Variants in DUSP8 observed in about 807,000 individuals in gnomAD.
DUSP8 encodes dual specificity phosphatase 8, also known as dual specificity protein phosphatase 8.
DUSP8 carries 15 observed loss-of-function variants against 38.7 expected under a neutral mutation model. The ratio of observed to expected loss-of-function variants is 0.39; its 90% CI spans 0.26 to 0.60. The LOEUF (loss-of-function observed/expected upper bound fraction) is 0.60. Ranked by LOEUF, DUSP8 falls within the 20% of genes least tolerant of loss-of-function variation. The pLI is 0.56. For synonymous variants in DUSP8, 458 were observed against 433.9 expected, an observed-to-expected ratio of 1.06 and a Z score of -0.69; for missense variants, 768 against 915.0, an observed-to-expected ratio of 0.84 and a Z score of 2.07.
At position 1,557,464 on chromosome 11, in the gene DUSP8, C is replaced by A. The variant is rs773039099; in HGVS notation, c.932G>T (p.Gly311Val). 1 of 1,561,998 alleles carries A rather than the reference C, an allele frequency of 6.4e-7. No individual in the cohort carries two copies. The highest frequency in any genetic ancestry group is 1.9e-5 in the Admixed American group (1 of 52,962). Residue 311 changes from glycine to valine, a missense_variant, in exon 7 of 7, where the codon GGC becomes GTC. By Grantham distance (109) the Gly-to-Val change is moderately radical (BLOSUM62 -3). Coordinates refer to ENST00000397374, the MANE Select transcript of DUSP8 (RefSeq NM_004420.3). The surrounding 1 kb of genome is among the most constrained non-coding windows in gnomAD (Gnocchi z 9.9). ...KLLAALQGDPGTPSGTPEPPP... is the reference protein window; with the variant it reads ...KLLAALQGDPVTPSGTPEPPP... The stretch of plus-strand genomic sequence containing the variant: ...AGGCTCCGGCGTCCCTGAGGGGGTG[C>A]CCGGGTCGCCCTGCAGGGCGGCCAG...
At position 1,565,933 on chromosome 11, in the gene DUSP8, A is replaced by T; in HGVS notation, c.-107T>A. 3 of 928,746 alleles carry T rather than the reference A, an allele frequency of 3.2e-6. No homozygotes were observed. The highest frequency in any genetic ancestry group is 5.1e-6 in the Non-Finnish European group (3 of 592,484). 57.5% of individuals were successfully genotyped at this position (928,746 alleles called of 1,614,324 possible). On this transcript the variant is annotated splice_region_variant and 5_prime_UTR_variant, in exon 2 of 7. Transcript: ENST00000397374. Reference sequence around the variant, plus strand: ...GGAGTGACCTAGCACATGGTGCTGGACCTGCAGGGACAGGGGGATGGTCAG... The same window carrying T: ...GGAGTGACCTAGCACATGGTGCTGGTCCTGCAGGGACAGGGGGATGGTCAG...
At chr11:1,569,683 C>G (rs922242412) in intron 1 of DUSP8, among the ~76,000 whole-genome samples, 1 of 152,106 alleles carries the variant, frequency 6.6e-6, no homozygotes, top group Admixed American at 6.5e-5. Flanking sequence ...CAGGCCACCC[C>G]CAGCTCTCAA....
At position 1,557,435 on chromosome 11, in the gene DUSP8, G is replaced by T. The variant is rs1175505275; in HGVS notation, c.961C>A (p.Pro321Thr). ...AGCGGGGCCCCGGCGGCAGGACTGG[G>T]CGGAGGCTCCGGCGTCCCTGAGGGG... ...GTPSGTPEPP[P>T]SPAAGAPLPR... The change falls in exon 7 of 7, where the codon CCC becomes ACC. Residue 321 changes from proline to threonine, a missense_variant. Physicochemically the swap from Pro to Thr is conservative, Grantham distance 38 (BLOSUM62 -1). Transcript: ENST00000397374. This position sits in a 1 kb window ranked among gnomAD's most constrained non-coding sequence, Gnocchi z 9.9. 1.3e-6 allele frequency: 2 copies of T among 1,566,196 alleles called. No individual in the cohort carries two copies. Among genetic ancestry groups the T allele is most frequent in the Admixed American group, 1.8e-5 (1 of 54,088 alleles).
chr11:1,566,457 G>A (rs992390442), intron 1 of DUSP8, among the ~76,000 whole-genome samples: 4 of 152,128 alleles, frequency 2.6e-5, no homozygotes, highest in Non-Finnish European at 4.4e-5. Context: ...TCCGTAAGCC[G>A]ATAATCCAGC....
chr11:1,569,437 A>G (rs902223), intron 1 of DUSP8, among the ~76,000 whole-genome samples: 94,126 of 151,364 alleles, frequency 0.62, 29,737 homozygotes, highest in Non-Finnish European at 0.66. Context: ...CTCCTTACCC[A>G]CAATCCACCT....
rs764933813 is a variant in DUSP8 at position 1,557,846 on chromosome 11, CGATGGT to C, written c.763_768del (p.Thr255_Ile256del). On this transcript the variant is annotated inframe_deletion, in exon 6 of 7. Coordinates refer to ENST00000397374, the MANE Select transcript of DUSP8 (RefSeq NM_004420.3). The surrounding 1 kb of genome is among the most constrained non-coding windows in gnomAD (Gnocchi z 9.9). ...ATGGTCTTCATGATGTAGGCGATGGCGATGGTGGCAGAGCGGGAGATGCCAGCCAGA... is the reference window on the plus strand; with the variant it reads ...ATGGTCTTCATGATGTAGGCGATGGCGGCAGAGCGGGAGATGCCAGCCAGA... 1 of 1,613,870 alleles carries C rather than the reference CGATGGT, an allele frequency of 6.2e-7. No homozygotes were observed. The highest frequency in any genetic ancestry group is 8.5e-7 in the Non-Finnish European group (1 of 1,180,010).
rs1848629385 is a variant in DUSP8 at position 1,556,662 on chromosome 11, G to A, written c.1734C>T (p.Ala578=). 1.4e-6 allele frequency: 2 copies of A among 1,387,884 alleles called. No homozygotes were observed. The highest frequency in any genetic ancestry group is 3.0e-5 in the African/African-American group (2 of 67,344). 86.0% of individuals were successfully genotyped at this position (1,387,884 alleles called of 1,614,324 possible). Residue 578 remains alanine (A), a synonymous_variant, in exon 7 of 7, where the codon GCC becomes GCT. Coordinates refer to ENST00000397374, the MANE Select transcript of DUSP8 (RefSeq NM_004420.3). This position sits in a 1 kb window ranked among gnomAD's most constrained non-coding sequence, Gnocchi z 5.2. ...DARTGWPEEP[A]PETQFKRRSC... ...TGCGGCGCTTGAACTGCGTCTCCGG[G>A]GCCGGCTCCTCGGGCCAGCCGGTCC...
In DUSP8 at chr11:1,556,094, G is replaced by A. The variant is rs564994445; in HGVS notation, c.*424C>T. ...AGGGAGCAGGGGAGGTGGGTGGGGG[G>A]AGAAGGGGGGTTCTGCGGCTCAGTT... On this transcript the variant is annotated 3_prime_UTR_variant, in exon 7 of 7. Coordinates refer to ENST00000397374, the MANE Select transcript of DUSP8 (RefSeq NM_004420.3). This position sits in a 1 kb window ranked among gnomAD's most constrained non-coding sequence, Gnocchi z 5.2. 1.6e-4 allele frequency: 24 copies of A among 153,316 alleles called. No individual in the cohort carries two copies. In the East Asian group the frequency reaches 4.4e-3, roughly 28 times the overall value. 9.5% of individuals were successfully genotyped at this position (153,316 alleles called of 1,614,324 possible). A position where few individuals can be genotyped will look rare whatever the true frequency, so the allele number is the denominator to read the frequency against.
rs1391486401 is a variant in DUSP8, at chr11:1,556,689, C to T, written c.1707G>A (p.Ala569=). 26 of 1,318,350 alleles carry T rather than the reference C, an allele frequency of 2.0e-5. No homozygotes were observed. The highest frequency in any genetic ancestry group is 2.1e-5 in the South Asian group (1 of 47,112). The allele number at this position is 1,318,350 out of a possible 1,614,324, so 81.7% of individuals were successfully genotyped here. A position where few individuals can be genotyped will look rare whatever the true frequency, so the allele number is the denominator to read the frequency against. ...CCGGCTCCTCGGGCCAGCCGGTCCG[C>T]GCGTCCCGGGGCTCAGCCCTCGCTG... The part of the protein sequence containing the change: ...REAARAEPRD[A]RTGWPEEPAP... Residue 569 remains alanine (A), a synonymous_variant, in exon 7 of 7, where the codon GCG becomes GCA. Coordinates refer to ENST00000397374, the MANE Select transcript of DUSP8 (RefSeq NM_004420.3). This position sits in a 1 kb window ranked among gnomAD's most constrained non-coding sequence, Gnocchi z 5.2.
chr11:1,556,661 G>T lies in DUSP8; in HGVS notation c.1735C>A (p.Pro579Thr), dbSNP rs1488806193. ...CTGCGGCGCTTGAACTGCGTCTCCG[G>T]GGCCGGCTCCTCGGGCCAGCCGGTC... ...ARTGWPEEPAPETQFKRRSCQ... is the reference protein window; with the variant it reads ...ARTGWPEEPATETQFKRRSCQ... The change falls in exon 7 of 7, where the codon CCG becomes ACG. Residue 579 changes from proline to threonine, a missense_variant. Pro to Thr is a conservative substitution (Grantham distance 38, BLOSUM62 -1). Around this residue, in one of 3 missense-constraint regions of DUSP8, gnomAD observed 474 missense variants for 430.8 expected, o/e 1.10. Transcript: ENST00000397374. This position sits in a 1 kb window ranked among gnomAD's most constrained non-coding sequence, Gnocchi z 5.2. The T allele has an allele frequency of 7.2e-6, 10 of 1,389,582 alleles. No individual in the cohort carries two copies. Among genetic ancestry groups the T allele is most frequent in the Non-Finnish European group, 8.4e-6 (9 of 1,065,946 alleles). The allele number at this position is 1,389,582 out of a possible 1,614,324, so 86.1% of individuals were successfully genotyped here. A position where few individuals can be genotyped will look rare whatever the true frequency, so the allele number is the denominator to read the frequency against.
chr11:1,562,378 T>C (rs1351632467), intron 3 of DUSP8, among the ~76,000 whole-genome samples: 2 of 152,070 alleles, frequency 1.3e-5, no homozygotes, highest in Non-Finnish European at 2.9e-5. Context: ...CTGTTACACC[T>C]GGTGAGCTGT....
rs1241180228 is a variant in DUSP8, at chr11:1,556,743, G to T, written c.1653C>A (p.Gly551=). 9 of 1,219,970 alleles carry T rather than the reference G, an allele frequency of 7.4e-6. No homozygotes were observed. The highest frequency in any genetic ancestry group is 3.2e-4 in the Middle Eastern group (1 of 3,136). The allele number at this position is 1,219,970 out of a possible 1,614,324, so 75.6% of individuals were successfully genotyped here. A position where few individuals can be genotyped will look rare whatever the true frequency, so the allele number is the denominator to read the frequency against. ...PFGRAGAPGP[G]GGSDLRRREA... ...CCCGCCGCCGCAGGTCGCTGCCGCC[G>T]CCTGGTCCCGGGGCGCCCGCCCGGC... Residue 551 remains glycine (G), a synonymous_variant, in exon 7 of 7, where the codon GGC becomes GGA. Coordinates refer to ENST00000397374, the MANE Select transcript of DUSP8 (RefSeq NM_004420.3). This position sits in a 1 kb window ranked among gnomAD's most constrained non-coding sequence, Gnocchi z 5.2.
Position 1,554,671 on chromosome 11 carries a change from A to G in DUSP8, c.*1847T>C. On this transcript the variant is annotated 3_prime_UTR_variant, in exon 7 of 7. Transcript: ENST00000397374. ...AGAAGGGGGCCCAACCAGTGGCCCC[A>G]GACCACTGTCTCCCGGACAGCACAG... 3.1e-6 allele frequency: 3 copies of G among 981,822 alleles called. No individual in the cohort carries two copies. The highest frequency in any genetic ancestry group is 3.6e-6 in the Non-Finnish European group (3 of 824,632). 60.8% of individuals were successfully genotyped at this position (981,822 alleles called of 1,614,324 possible).
chr11:1,554,643 G>C lies in DUSP8; in HGVS notation c.*1875C>G, dbSNP rs1848594323. ...CAGAAGGGACAAGGGGAAGGGGGAAGGGAGAAGGGGGCCCAACCAGTGGCC... is the reference window on the plus strand; with the variant it reads ...CAGAAGGGACAAGGGGAAGGGGGAACGGAGAAGGGGGCCCAACCAGTGGCC... On this transcript the variant is annotated 3_prime_UTR_variant, in exon 7 of 7. Transcript: ENST00000397374. 1.0e-6 allele frequency: 1 copy of C among 987,326 alleles called. No individual in the cohort carries two copies. The highest frequency in any genetic ancestry group is 1.7e-5 in the African/African-American group (1 of 57,298). 61.2% of individuals were successfully genotyped at this position (987,326 alleles called of 1,614,324 possible).
At position 1,558,862 on chromosome 11, in the gene DUSP8, AC is replaced by A. The variant is rs757890252; in HGVS notation, c.537+26del. 8 of 1,566,938 alleles carry A rather than the reference AC, an allele frequency of 5.1e-6. No individual in the cohort carries two copies. The highest frequency in any genetic ancestry group is 6.1e-6 in the Non-Finnish European group (7 of 1,153,126). ...AGCTCCTGCCCCTTTCCCATTGACCACCCCCCGAACTCCACTGCACACACAC... is the reference window on the plus strand; with the variant it reads ...AGCTCCTGCCCCTTTCCCATTGACCACCCCCGAACTCCACTGCACACACAC... On this transcript the variant is annotated intron_variant, in intron 4 of 6. Coordinates refer to ENST00000397374, the MANE Select transcript of DUSP8 (RefSeq NM_004420.3). This position sits in a 1 kb window ranked among gnomAD's most constrained non-coding sequence, Gnocchi z 6.3.
chr11:1,559,274 C>T (rs570757097), intron 3 of DUSP8: 14 of 502,408 alleles, frequency 2.8e-5, no homozygotes, highest in Admixed American at 2.5e-4. Flanking sequence ...CCTGCACCTA[C>T]GCCCACATTC....
chr11:1,557,047 C>T lies in DUSP8; in HGVS notation c.1349G>A (p.Arg450His). 8.8e-7 allele frequency: 1 copy of T among 1,133,126 alleles called. No homozygotes were observed. The highest frequency in any genetic ancestry group is 1.1e-6 in the Non-Finnish European group (1 of 925,410). 70.2% of individuals were successfully genotyped at this position (1,133,126 alleles called of 1,614,324 possible). Residue 450 changes from arginine (R) to histidine (H), a missense_variant, in exon 7 of 7, where the codon CGC (arginine) becomes CAC (histidine). Around this residue, in one of 3 missense-constraint regions of DUSP8, gnomAD observed 474 missense variants for 430.8 expected, o/e 1.10. Transcript: ENST00000397374. This position sits in a 1 kb window ranked among gnomAD's most constrained non-coding sequence, Gnocchi z 9.9. ...PDSPDAAPEA[R>H]PRPRRRPRPP... is the part of the protein sequence containing the mutation. The stretch of plus-strand genomic sequence containing the variant: ...CCGGGGCCGCCGGCGGGGCCGTGGG[C>T]GCGCCTCAGGCGCGGCGTCCGGGCT...
Position 1,560,633 on chromosome 11 carries a change from C to T in DUSP8, c.371-1578G>A, listed in dbSNP as rs571484248. Among the ~76,000 whole-genome samples the T allele has an allele frequency of 4.6e-5, 7 of 152,354 alleles. No individual in the cohort carries two copies. In the South Asian group the frequency reaches 6.2e-4, roughly 14 times the overall value. ...CAGGTAGGTGACTTGTCACCAACGACGCCCCAGCTTGCAGGTTCCCCTGAG... is the reference window on the plus strand; with the variant it reads ...CAGGTAGGTGACTTGTCACCAACGATGCCCCAGCTTGCAGGTTCCCCTGAG... On this transcript the variant is annotated intron_variant, in intron 3 of 6. Coordinates refer to ENST00000397374, the MANE Select transcript of DUSP8 (RefSeq NM_004420.3).
chr11:1,566,051 G>A (rs1011334573), intron 1 of DUSP8, 117 bp from the exon 2 acceptor site: 23 of 554,670 alleles, frequency 4.1e-5, no homozygotes, highest in Non-Finnish European at 6.8e-5. Context: ...ACATGTGCCC[G>A]TGGGAACCCT....
Sources: allele counts gnomAD v4.1 joint callset (sites outside exome capture counted in the v4.1 genomes callset), GRCh38; gene constraint gnomAD v4.1.1; regional missense constraint gnomAD v4.1.1; non-coding constraint Gnocchi (gnomAD v3.1); transcripts MANE v1.5; gene names NCBI Gene and HGNC (gene_info 2026-07-23, HGNC 2026-07-21).